The following ANKMY1 variants were observed in gnomAD, a reference collection of about 807,000 sequenced individuals.
ANKMY1 encodes the protein ankyrin repeat and MYND domain containing 1.
ANKMY1 carries 98 observed loss-of-function variants against 102.0 expected under a neutral mutation model. That is an observed-to-expected ratio of 0.96 (90% CI 0.82 to 1.14). The LOEUF (loss-of-function observed/expected upper bound fraction) is 1.14, where lower values mean the gene tolerates loss of function less well. Among genes scored for constraint, ANKMY1 ranks in the 50% most tolerant of loss-of-function variants. ANKMY1 has a pLI of 0.00. For missense variants in ANKMY1, 1,330 were observed against 1,347.6 expected, an observed-to-expected ratio of 0.99 and a Z score of 0.20; for synonymous variants, 582 against 559.9, an observed-to-expected ratio of 1.04 and a Z score of -0.56.
intron 5 of ANKMY1, chr2:240,527,627 T>C (rs1366694443): frequency 1.3e-5 from 2 of 150,532 alleles, no homozygotes; most frequent in African/African-American, 4.9e-5. Context: ...GTTAAGTGGG[T>C]GGACTGATGA....
chr2:240,471,974 G>C, the ANKMY1 span, among the ~76,000 whole-genome samples: 1 of 152,094 alleles, frequency 6.6e-6, no homozygotes, highest in South Asian at 2.1e-4. Flanking sequence ...ACCAACCTTG[G>C]TTCCACTGCA....
chr2:240,539,499 C>T (rs2088017740), intron 4 of ANKMY1, among the ~76,000 whole-genome samples: 1 of 152,214 alleles, frequency 6.6e-6, no homozygotes, highest in African/African-American at 2.4e-5. Context: ...AGAACCGTAA[C>T]ACTCACCACG....
Position 240,553,897 on chromosome 2 carries a change from GA to G in ANKMY1, c.337-841del, listed in dbSNP as rs527623299. 24 of 144,956 alleles carry G rather than the reference GA, an allele frequency of 1.7e-4. No homozygotes were observed. The South Asian group carries it at 1.7e-3, about 11-fold the overall frequency. The allele number at this position is 144,956 out of a possible 1,614,324, so 9.0% of individuals were successfully genotyped here. A position where few individuals can be genotyped will look rare whatever the true frequency, so the allele number is the denominator to read the frequency against. ...GGCAACAAGAGTGAAATTCCATCTC[GA>G]AAAAAAAAAAGAATGTGACATTCAT... On this transcript the variant is annotated intron_variant, in intron 3 of 17. Transcript: ENST00000401804.
upstream of ANKMY1, among the ~76,000 whole-genome samples, chr2:240,559,899 G>A (rs550310688): frequency 6.6e-6 from 1 of 152,322 alleles, no homozygotes; most frequent in Admixed American, 6.5e-5. Context: ...TGAGACAGTT[G>A]CTTTTCAGTG....
At chr2:240,513,980 ATGG>A (rs2080732108) in intron 9 of ANKMY1, among the ~76,000 whole-genome samples, 1 of 152,240 alleles carries the variant, frequency 6.6e-6, no homozygotes, top group Non-Finnish European at 1.5e-5. Context: ...CAAGTGGAGA[ATGG>A]GCAGCCCGCT....
rs143358988 is a variant in ANKMY1, at chr2:240,535,912, GCTCA to G, written c.481-6407_481-6404del. On this transcript the variant is annotated intron_variant, in intron 4 of 17. Coordinates refer to ENST00000401804, the MANE Select transcript of ANKMY1 (RefSeq NM_001282771.3). ...TGACCCAAGCACATATAAAGACTAT[GCTCA>G]CTAACTGCAAAATGCATATTCTTTT... Among the ~76,000 whole-genome samples the G allele has an allele frequency of 5.0e-3, 723 of 143,208 alleles. 4 individuals are homozygous for G. The highest frequency in any genetic ancestry group is 0.018 in the African/African-American group (694 of 38,160). The allele number at this position is 143,208 out of a possible 152,430, so 94.0% of individuals were successfully genotyped here.
chr2:240,508,612 G>T (rs1559279413), intron 12 of ANKMY1, among the ~76,000 whole-genome samples: 1 of 152,224 alleles, frequency 6.6e-6, no homozygotes, highest in Non-Finnish European at 1.5e-5. Flanking sequence ...CTGAAACTGT[G>T]TTACATACTA....
At chr2:240,540,242 G>A (rs532181157) in intron 4 of ANKMY1, among the ~76,000 whole-genome samples, 10 of 152,240 alleles carry the variant, frequency 6.6e-5, no homozygotes, top group African/African-American at 1.4e-4. Flanking sequence ...ATTGATTTAG[G>A]TCTTTGCTGT....
intron 15 of ANKMY1, among the ~76,000 whole-genome samples, chr2:240,491,284 AT>A (rs1218723691): frequency 2.0e-5 from 3 of 152,128 alleles, no homozygotes; most frequent in African/African-American, 7.2e-5. Context: ...ATCATGGATC[AT>A]TTTTAATCCA....
chr2:240,511,260 TTAA>T (rs1416617428), intron 11 of ANKMY1, among the ~76,000 whole-genome samples: 5 of 152,236 alleles, frequency 3.3e-5, no homozygotes, highest in Non-Finnish European at 7.3e-5. Context: ...CCCAGGATCA[TTAA>T]TTTCATTTGT....
intron 6 of ANKMY1, 90 bp from the exon 7 acceptor site, chr2:240,525,939 C>CATCAGG: frequency 6.8e-7 from 1 of 1,462,804 alleles, no homozygotes; most frequent in Non-Finnish European, 9.4e-7. Context: ...CTCATGAGGC[C>CATCAGG]ACCCTATGGC....
At chr2:240,479,023 C>T (rs968046256), downstream of ANKMY1, among the ~76,000 whole-genome samples, 1 of 152,246 alleles carries the variant, frequency 6.6e-6, no homozygotes. Context: ...CTGTCATGTG[C>T]TCCAGGCCCT....
At chr2:240,552,782 A>T (rs761607325) in intron 4 of ANKMY1, 132 bp downstream of exon 4, 23 of 1,386,220 alleles carry the variant, frequency 1.7e-5, no homozygotes. Context: ...GTACCATTTT[A>T]ATCATTAAAA....
At chr2:240,552,506 T>C (rs1053319045) in intron 4 of ANKMY1, among the ~76,000 whole-genome samples, 1 of 152,186 alleles carries the variant, frequency 6.6e-6, no homozygotes, top group Non-Finnish European at 1.5e-5. Flanking sequence ...GTCAAAAATT[T>C]CAGAACTATA....
chr2:240,530,325 C>T (rs1441645836), intron 4 of ANKMY1, among the ~76,000 whole-genome samples: 1 of 152,028 alleles, frequency 6.6e-6, no homozygotes, highest in Non-Finnish European at 1.5e-5. Context: ...CCCAGTGTTG[C>T]AGTGGGGCCT....
intron 13 of ANKMY1, 58 bp from the exon 14 acceptor site, chr2:240,500,623 G>T: frequency 6.7e-7 from 1 of 1,491,896 alleles, no homozygotes; most frequent in Non-Finnish European, 9.3e-7. Flanking sequence ...TGGGAGCAGC[G>T]GAAGCACCGC....
intron 9 of ANKMY1, among the ~76,000 whole-genome samples, chr2:240,518,427 C>T (rs576385137): frequency 1.9e-4 from 29 of 152,254 alleles, no homozygotes; most frequent in African/African-American, 6.3e-4. Flanking sequence ...TATTTCTTCC[C>T]TGCTATGAAA....
At chr2:240,550,132 A>G (rs954754379) in intron 4 of ANKMY1, among the ~76,000 whole-genome samples, 4 of 152,044 alleles carry the variant, frequency 2.6e-5, no homozygotes, top group Non-Finnish European at 5.9e-5. Context: ...TCCAACAATG[A>G]TAGACTGGAT....
rs1006697545 is a variant in ANKMY1 at position 240,499,754 on chromosome 2, C to T, written c.2806+204G>A. The stretch of plus-strand genomic sequence containing the variant: ...CACCAACTCCTCTTCCCAGGGACAT[C>T]TCCCCAGTCCAGACCCCACTTCTCA... On this transcript the variant is annotated intron_variant, in intron 15 of 17. Coordinates refer to ENST00000401804, the MANE Select transcript of ANKMY1 (RefSeq NM_001282771.3). The surrounding 1 kb of genome is among the most constrained non-coding windows in gnomAD (Gnocchi z 4.2). Among the ~76,000 whole-genome samples the T allele has an allele frequency of 5.9e-5, 9 of 152,116 alleles. No homozygotes were observed. The highest frequency in any genetic ancestry group is 1.0e-4 in the Non-Finnish European group (7 of 67,992).
Sources: gnomAD v4.1 joint callset for allele counts (sites outside exome capture counted in the v4.1 genomes callset) on GRCh38, gnomAD v4.1.1 for gene constraint, Gnocchi (gnomAD v3.1) non-coding constraint, MANE v1.5 for transcripts, NCBI Gene and HGNC (gene_info 2026-07-23, HGNC 2026-07-21) for gene names.